The following NREP variants were observed in gnomAD, a reference collection of about 807,000 sequenced individuals.
NREP encodes the protein neuronal regeneration related protein.
Under a neutral mutation model 8.6 loss-of-function variants are expected in NREP, and 5 were observed. The ratio of observed to expected loss-of-function variants is 0.58; its 90% CI spans 0.30 to 1.22. The LOEUF is 1.22. Ranked by LOEUF, NREP falls within the 50% of genes most tolerant of loss-of-function variation. NREP has a pLI of 0.07. For missense variants in NREP, 86 were observed against 82.5 expected, an observed-to-expected ratio of 1.04 and a Z score of -0.17; for synonymous variants, 27 against 28.0, an observed-to-expected ratio of 0.96 and a Z score of 0.11.
chr5:111,969,548 C>A (rs1015629475), intron 2 of NREP: 10 of 152,114 alleles, frequency 6.6e-5, no homozygotes, highest in Admixed American at 6.5e-4. Context: ...GATGGTTAGC[C>A]TGGAGAAAGA....
chr5:111,866,173 C>A lies in NREP; in HGVS notation c.135+109101G>T, dbSNP rs533489512. On this transcript the variant is annotated intron_variant, in intron 2 of 3. Coordinates refer to the NREP transcript ENST00000395634. ...AATGGGATCTAATTAAACTAAAGAGCTTCTGCACAGCAAAAGAAACTACCA... is the reference window on the plus strand; with the variant it reads ...AATGGGATCTAATTAAACTAAAGAGATTCTGCACAGCAAAAGAAACTACCA... Among the ~76,000 whole-genome samples, 119 of 152,230 alleles carry A rather than the reference C, an allele frequency of 7.8e-4. 1 individual carries two copies. In the South Asian group the frequency reaches 0.024, roughly 31 times the overall value.
chr5:111,931,210 C>T (rs1464570620), intron 2 of NREP, among the ~76,000 whole-genome samples: 1 of 151,960 alleles, frequency 6.6e-6, no homozygotes, highest in African/African-American at 2.4e-5. Context: ...ACCTAATTCC[C>T]CTACCTTGAG....
intron 2 of NREP, among the ~76,000 whole-genome samples, chr5:111,963,806 A>C (rs892996550): frequency 6.6e-6 from 1 of 152,244 alleles, no homozygotes; most frequent in African/African-American, 2.4e-5. Flanking sequence ...TGCCATGGTC[A>C]AAACAAGAAA....
At chr5:111,915,607 C>T (rs1352557745) in intron 2 of NREP, among the ~76,000 whole-genome samples, 1 of 152,118 alleles carries the variant, frequency 6.6e-6, no homozygotes, top group Non-Finnish European at 1.5e-5. Context: ...CCAGCAGACA[C>T]AGCTACCATT....
chr5:111,928,164 G>C (rs1355107451), intron 2 of NREP, among the ~76,000 whole-genome samples: 3 of 128,558 alleles, frequency 2.3e-5, no homozygotes, highest in Non-Finnish European at 3.2e-5. Context: ...AAGTATTTTT[G>C]CTCATATATC....
At chr5:111,938,903 T>A (rs901363691) in intron 2 of NREP, among the ~76,000 whole-genome samples, 8 of 152,008 alleles carry the variant, frequency 5.3e-5, no homozygotes, top group African/African-American at 1.9e-4. Context: ...AAACATAAAG[T>A]AGTTTTCTTA....
exon 1 of NREP, chr5:111,976,839 C>T: frequency 1.1e-6 from 1 of 875,542 alleles, no homozygotes; most frequent in East Asian, 2.7e-5. Context: ...AGCTCTGCAG[C>T]CCATTCTGAT....
chr5:111,831,982 G>A (rs1225268427), intron 2 of NREP, among the ~76,000 whole-genome samples: 1 of 152,142 alleles, frequency 6.6e-6, no homozygotes, highest in African/African-American at 2.4e-5. Flanking sequence ...GTAGGACAAA[G>A]GGTCTCTATG....
chr5:111,937,396 C>A (rs1281629272), intron 2 of NREP, among the ~76,000 whole-genome samples: 1 of 152,150 alleles, frequency 6.6e-6, no homozygotes, highest in Admixed American at 6.5e-5. Context: ...CTTTTGAATG[C>A]TTTTTAATGG....
chr5:111,888,523 C>T (rs748379566), intron 2 of NREP, among the ~76,000 whole-genome samples: 6 of 152,210 alleles, frequency 3.9e-5, no homozygotes, highest in Non-Finnish European at 5.9e-5. Context: ...ACTGCCCCCA[C>T]GATTCAATTA....
intron 2 of NREP, among the ~76,000 whole-genome samples, chr5:111,867,219 T>C (rs969524338): frequency 1.3e-5 from 2 of 151,886 alleles, no homozygotes; most frequent in African/African-American, 2.4e-5. Context: ...CAAAATACCA[T>C]AGACTGAGTG....
chr5:111,934,936 G>A (rs1407731855), intron 2 of NREP, among the ~76,000 whole-genome samples: 1 of 151,624 alleles, frequency 6.6e-6, no homozygotes, highest in Admixed American at 6.6e-5. Flanking sequence ...GGGAGCTACT[G>A]TCATGGAAGA....
chr5:111,894,514 C>T (rs1266923249), intron 2 of NREP, among the ~76,000 whole-genome samples: 1 of 151,632 alleles, frequency 6.6e-6, no homozygotes, highest in African/African-American at 2.4e-5. Flanking sequence ...TTTGGAGACT[C>T]CTATCATTTT....
chr5:111,856,512 A>T (rs1753431084), intron 2 of NREP, among the ~76,000 whole-genome samples: 1 of 152,154 alleles, frequency 6.6e-6, no homozygotes, highest in African/African-American at 2.4e-5. Flanking sequence ...AAGCAGTATG[A>T]TGGGAGATTA....
At chr5:111,906,604 C>T (rs1754785067) in intron 2 of NREP, among the ~76,000 whole-genome samples, 1 of 151,810 alleles carries the variant, frequency 6.6e-6, no homozygotes, top group South Asian at 2.1e-4. Flanking sequence ...TGATATGATC[C>T]CCTTTGGCAG....
chr5:111,732,779 A>ACTT (rs975528417), intron 3 of NREP: 2 of 152,152 alleles, frequency 1.3e-5, no homozygotes, highest in African/African-American at 2.4e-5. Flanking sequence ...GATAGGACAA[A>ACTT]CTTAGGTTTT....
intron 2 of NREP, among the ~76,000 whole-genome samples, chr5:111,963,761 T>C (rs10463624): frequency 0.37 from 56,314 of 152,056 alleles, 10,858 homozygotes; most frequent in South Asian, 0.57. Context: ...GTTCAATTCT[T>C]CATTTTACAG....
intron 2 of NREP, among the ~76,000 whole-genome samples, chr5:111,798,630 T>C (rs1245171530): frequency 6.6e-6 from 1 of 152,188 alleles, no homozygotes; most frequent in Admixed American, 6.5e-5. Flanking sequence ...ATGTTTGATT[T>C]TCCATTCCTG....
intron 2 of NREP, among the ~76,000 whole-genome samples, chr5:111,864,227 A>T (rs1187425075): frequency 6.6e-6 from 1 of 152,172 alleles, no homozygotes; most frequent in Admixed American, 6.5e-5. Flanking sequence ...GTCCTAAATA[A>T]GTAAATTAAT....
Sources: allele counts gnomAD v4.1 joint callset (sites outside exome capture counted in the v4.1 genomes callset), GRCh38; gene constraint gnomAD v4.1.1; transcripts MANE v1.5; gene names NCBI Gene and HGNC (gene_info 2026-07-23, HGNC 2026-07-21).